The following MEDAG variants were observed in gnomAD, a reference collection of about 807,000 sequenced individuals.
MEDAG encodes mesenteric estrogen-dependent adipogenesis protein.
Under a neutral mutation model 29.9 loss-of-function variants are expected in MEDAG, and 25 were observed. The observed-to-expected ratio is 0.84, with a 90% confidence interval of 0.61 to 1.17. The LOEUF (loss-of-function observed/expected upper bound fraction) is 1.17. Among genes scored for constraint, MEDAG ranks in the 50% most tolerant of loss-of-function variants. MEDAG has a pLI of 0.00. For missense variants in MEDAG, 398 were observed against 372.9 expected, an observed-to-expected ratio of 1.07 and a Z score of -0.56; for synonymous variants, 158 against 148.2, an observed-to-expected ratio of 1.07 and a Z score of -0.48.
intron 1 of MEDAG, chr13:30,916,611 G>A (rs1053104044): frequency 1.3e-5 from 2 of 152,202 alleles, no homozygotes; most frequent in African/African-American, 4.8e-5. Context: ...ATCTGAGCTT[G>A]GGTTTAGTTA....
At position 30,917,729 on chromosome 13, in the gene MEDAG, G is replaced by A. The variant is rs142736520; in HGVS notation, c.388+217G>A. 3.3e-4 allele frequency among the ~76,000 whole-genome samples: 50 copies of A among 152,040 alleles called. No homozygotes were observed. In the East Asian group the frequency reaches 8.9e-3, roughly 27 times the overall value. On this transcript the variant is annotated intron_variant, in intron 2 of 4. Coordinates refer to ENST00000380482, the MANE Select transcript of MEDAG (RefSeq NM_032849.4). ...AGGGGGAAGAGAGCGGAAGCGGGGC[G>A]GTGCTACACACTCTTAAACAACCAG...
chr13:30,910,432 A>G (rs1477233236), intron 1 of MEDAG, among the ~76,000 whole-genome samples: 1 of 152,198 alleles, frequency 6.6e-6, no homozygotes, highest in Non-Finnish European at 1.5e-5. Flanking sequence ...CAAAGTTTGC[A>G]TTACTGTTGT....
chr13:30,917,339 C>T, intron 1 of MEDAG, 64 bp from the exon 2 acceptor site: 1 of 978,764 alleles, frequency 1.0e-6, no homozygotes, highest in African/African-American at 1.6e-5. Context: ...CTGTCCAGTA[C>T]ATCCCCTTCC....
In MEDAG at chr13:30,912,296, G is replaced by A. The variant is rs116245022; in HGVS notation, c.279-5107G>A. On this transcript the variant is annotated intron_variant, in intron 1 of 4. Coordinates refer to ENST00000380482, the MANE Select transcript of MEDAG (RefSeq NM_032849.4). The stretch of plus-strand genomic sequence containing the variant: ...GGAAGAAGGGAAAAGAGATTAGGGC[G>A]AGACTCTGTGTAAGGCGATCAAGCT... 3.8e-3 allele frequency among the ~76,000 whole-genome samples: 583 copies of A among 152,288 alleles called. 6 individuals carry two copies. Among genetic ancestry groups the A allele is most frequent in the African/African-American group, 0.014 (561 of 41,554 alleles).
In MEDAG at chr13:30,910,242, C is replaced by T. The variant is rs1012003424; in HGVS notation, c.278+3449C>T. 6.6e-5 allele frequency among the ~76,000 whole-genome samples: 10 copies of T among 151,192 alleles called. No homozygotes were observed. In the East Asian group the frequency reaches 2.0e-3, roughly 30 times the overall value. ...CATGTTTTTTCCTATAAAGCAGCCT[C>T]TTGGTGAAATATAATGGCAAACGTT... is the stretch of plus-strand genomic sequence containing the variant. On this transcript the variant is annotated intron_variant, in intron 1 of 4. Coordinates refer to ENST00000380482, the MANE Select transcript of MEDAG (RefSeq NM_032849.4).
intron 1 of MEDAG, among the ~76,000 whole-genome samples, chr13:30,909,719 A>G (rs1167017262): frequency 6.6e-6 from 1 of 152,186 alleles, no homozygotes; most frequent in Non-Finnish European, 1.5e-5. Flanking sequence ...CCCCTGGTGT[A>G]ATTAGAATTT....
At chr13:30,910,162 C>A (rs1006712399) in intron 1 of MEDAG, among the ~76,000 whole-genome samples, 6 of 146,212 alleles carry the variant, frequency 4.1e-5, no homozygotes, top group African/African-American at 1.5e-4. Flanking sequence ...ACTTAAAAGT[C>A]AAAATTACCA....
intron 1 of MEDAG, among the ~76,000 whole-genome samples, chr13:30,907,771 A>G (rs1193112971): frequency 6.6e-6 from 1 of 152,254 alleles, no homozygotes; most frequent in Non-Finnish European, 1.5e-5. Flanking sequence ...GCTACTGGGA[A>G]AGACAGCGTG....
chr13:30,913,452 A>G (rs1001406229), intron 1 of MEDAG, among the ~76,000 whole-genome samples: 5 of 152,112 alleles, frequency 3.3e-5, no homozygotes, highest in African/African-American at 1.2e-4. Flanking sequence ...AGGCTGGTCT[A>G]CAACTCCTTG....
chr13:30,907,904 T>C (rs1952845546), intron 1 of MEDAG, among the ~76,000 whole-genome samples: 1 of 152,234 alleles, frequency 6.6e-6, no homozygotes, highest in Admixed American at 6.5e-5. Context: ...GTGAGGGCTC[T>C]GAATGCCTGA....
rs1274271785 is a variant in MEDAG, at chr13:30,906,884, C to T, written c.278+91C>T. The T allele has an allele frequency of 6.2e-6, 8 of 1,291,174 alleles. No homozygotes were observed. In the African/African-American group the frequency reaches 6.3e-5, roughly 10 times the overall value. The allele number at this position is 1,291,174 out of a possible 1,614,324, so 80.0% of individuals were successfully genotyped here. A position where few individuals can be genotyped will look rare whatever the true frequency, so the allele number is the denominator to read the frequency against. ...GGTCTCTGGGAGCCTGGGCTGTCCT[C>T]GCTGCCTGCGACACCGCGTGGCCCC... On this transcript the variant is annotated intron_variant, in intron 1 of 4. Coordinates refer to ENST00000380482, the MANE Select transcript of MEDAG (RefSeq NM_032849.4).
At chr13:30,916,581 C>G (rs1952931663) in intron 1 of MEDAG, 1 of 152,278 alleles carries the variant, frequency 6.6e-6, no homozygotes, top group Non-Finnish European at 1.5e-5. Context: ...GGCCATTCAG[C>G]CTACCTACAT....
chr13:30,922,301 G>GCTGGAGTT (rs1952996159), intron 4 of MEDAG: 1 of 151,150 alleles, frequency 6.6e-6, no homozygotes, highest in Non-Finnish European at 1.5e-5. Context: ...CGTTGTCCAG[G>GCTGGAGTT]CTGGAGTTCA....
intron 1 of MEDAG, among the ~76,000 whole-genome samples, chr13:30,912,236 G>T (rs1952888563): frequency 6.6e-6 from 1 of 152,132 alleles, no homozygotes; most frequent in Non-Finnish European, 1.5e-5. Context: ...TAAAAATTTT[G>T]CTTTATTTCA....
rs1593500768 is a variant in MEDAG, at chr13:30,906,354, C to T, written c.-162C>T. The T allele has an allele frequency of 5.9e-6, 4 of 674,698 alleles. No individual in the cohort carries two copies. In the East Asian group the frequency reaches 1.0e-4, roughly 18 times the overall value. 41.8% of individuals were successfully genotyped at this position (674,698 alleles called of 1,614,324 possible). ...CCGGGCGGTCAGACTGGCACCTGAGCGGCCACCGCGTCCCGGCCAGGCGGG... is the reference window on the plus strand; with the variant it reads ...CCGGGCGGTCAGACTGGCACCTGAGTGGCCACCGCGTCCCGGCCAGGCGGG... On this transcript the variant is annotated 5_prime_UTR_variant, in exon 1 of 5. Transcript: ENST00000380482.
intron 2 of MEDAG, among the ~76,000 whole-genome samples, chr13:30,919,671 G>C (rs1422611900): frequency 6.6e-6 from 1 of 152,170 alleles, no homozygotes; most frequent in Non-Finnish European, 1.5e-5. Flanking sequence ...CCTTCCTCGA[G>C]GACGTAAACA....
At chr13:30,911,882 C>T (rs567046564) in intron 1 of MEDAG, among the ~76,000 whole-genome samples, 1 of 152,268 alleles carries the variant, frequency 6.6e-6, no homozygotes, top group South Asian at 2.1e-4. Flanking sequence ...TTTCATCATG[C>T]CAGGTGATTC....
rs764445175 is a variant in MEDAG, at chr13:30,924,398, T to C, written c.875T>C (p.Val292Ala). The C allele has an allele frequency of 1.9e-6, 3 of 1,613,958 alleles. No homozygotes were observed. Among genetic ancestry groups the C allele is most frequent in the African/African-American group, 2.7e-5 (2 of 74,894 alleles). ...TTGGCAGAATTACCATTTCCAAGTG[T>C]TCTGGAATCTGAAGAGACACCCAAC... ...PLLAELPFPS[V>A]LESEETPNQF... Residue 292 changes from valine (V) to alanine (A), a missense_variant, in exon 5 of 5, where the codon GTT becomes GCT. By Grantham distance (64) the Val-to-Ala change is moderately conservative. Coordinates refer to ENST00000380482, the MANE Select transcript of MEDAG (RefSeq NM_032849.4).
chr13:30,916,943 G>T (rs1396666507), intron 1 of MEDAG, among the ~76,000 whole-genome samples: 7 of 152,146 alleles, frequency 4.6e-5, no homozygotes, highest in Admixed American at 2.6e-4. Context: ...TATGGAGGGG[G>T]CTGGTTTATC....
Sources: gnomAD v4.1 joint callset for allele counts (sites outside exome capture counted in the v4.1 genomes callset) on GRCh38, gnomAD v4.1.1 for gene constraint, MANE v1.5 for transcripts, NCBI Gene and HGNC (gene_info 2026-07-23, HGNC 2026-07-21) for gene names.